The following BRINP3 variants were observed in gnomAD, a reference collection of about 807,000 sequenced individuals.
BRINP3 encodes BMP/retinoic acid inducible neural specific 3.
In BRINP3, 19 loss-of-function variants were observed where a neutral mutation model predicts 71.0. That is an observed-to-expected ratio of 0.27 (90% confidence interval 0.19 to 0.39). The LOEUF (loss-of-function observed/expected upper bound fraction) is 0.39, where lower values mean the gene tolerates loss of function less well. Among genes scored for constraint, BRINP3 ranks in the 10% least tolerant of loss-of-function variants. BRINP3 has a pLI of 1.00. For synonymous variants in BRINP3, 380 were observed against 337.7 expected (o/e 1.13, Z -1.37); for missense variants, 959 against 940.8 (o/e 1.02, Z -0.25).
chr1:190,099,618 G>A (rs141203398), intron 7 of BRINP3, among the ~76,000 whole-genome samples: 1 of 152,238 alleles, frequency 6.6e-6, no homozygotes, highest in East Asian at 1.9e-4. Flanking sequence ...AGTGTTGCAG[G>A]AAGGATGAAT....
intron 1 of BRINP3, among the ~76,000 whole-genome samples, chr1:190,466,868 T>C (rs905524191): frequency 1.3e-5 from 2 of 151,518 alleles, no homozygotes; most frequent in Non-Finnish European, 3.0e-5. Flanking sequence ...ACTCGTAATG[T>C]TAATCTGATT....
intron 6 of BRINP3, among the ~76,000 whole-genome samples, chr1:190,225,726 C>G (rs1457173940): frequency 6.6e-6 from 1 of 151,948 alleles, no homozygotes; most frequent in East Asian, 1.9e-4. Context: ...AGAACAAATG[C>G]TGTCTTCATT....
At chr1:190,172,930 C>A (rs181834358) in intron 6 of BRINP3, among the ~76,000 whole-genome samples, 1 of 152,140 alleles carries the variant, frequency 6.6e-6, no homozygotes, top group East Asian at 1.9e-4. Flanking sequence ...TGCAACCTCT[C>A]GGACCTGTCT....
At chr1:190,450,951 A>G (rs751774460) in intron 2 of BRINP3, among the ~76,000 whole-genome samples, 2 of 152,056 alleles carry the variant, frequency 1.3e-5, no homozygotes, top group Non-Finnish European at 2.9e-5. Flanking sequence ...CATTTTTTAA[A>G]TATAATTTTT....
chr1:190,209,881 C>T (rs207460842), intron 6 of BRINP3, among the ~76,000 whole-genome samples: 1 of 151,946 alleles, frequency 6.6e-6, no homozygotes, highest in Non-Finnish European at 1.5e-5. Context: ...AAGAATAGTC[C>T]ACTTGTATGC....
chr1:190,121,344 TTACAG>T (rs1653634633), intron 7 of BRINP3, among the ~76,000 whole-genome samples: 1 of 152,020 alleles, frequency 6.6e-6, no homozygotes, highest in Non-Finnish European at 1.5e-5. Flanking sequence ...CAAAAACAAA[TTACAG>T]TATGATAGAA....
At chr1:190,429,304 C>A (rs1407854144) in intron 2 of BRINP3, among the ~76,000 whole-genome samples, 1 of 152,058 alleles carries the variant, frequency 6.6e-6, no homozygotes, top group African/African-American at 2.4e-5. Flanking sequence ...AAATGTATAG[C>A]ACTAGAAAAA....
At chr1:190,335,842 G>T (rs1667251795) in intron 2 of BRINP3, among the ~76,000 whole-genome samples, 1 of 151,888 alleles carries the variant, frequency 6.6e-6, no homozygotes, top group Non-Finnish European at 1.5e-5. Context: ...AGATTTTACT[G>T]TTTAATATTG....
At chr1:190,456,948 G>A (rs1361343632) in intron 1 of BRINP3, among the ~76,000 whole-genome samples, 2 of 152,128 alleles carry the variant, frequency 1.3e-5, no homozygotes, top group African/African-American at 4.8e-5. Context: ...AAATGTAGAT[G>A]TGAACAAGAA....
intron 2 of BRINP3, among the ~76,000 whole-genome samples, chr1:190,350,089 T>C (rs560436571): frequency 5.9e-5 from 9 of 152,154 alleles, no homozygotes; most frequent in Non-Finnish European, 1.0e-4. Flanking sequence ...CCAGATAAAA[T>C]GGCAAGGAGG....
intron 1 of BRINP3, among the ~76,000 whole-genome samples, chr1:190,467,969 G>A (rs1188917936): frequency 1.3e-5 from 2 of 151,518 alleles, no homozygotes; most frequent in Middle Eastern, 3.4e-3. Flanking sequence ...TTCTTAGCAT[G>A]TCATGCACAA....
chr1:190,361,698 G>C (rs1196727122), intron 2 of BRINP3, among the ~76,000 whole-genome samples: 1 of 152,124 alleles, frequency 6.6e-6, no homozygotes, highest in Non-Finnish European at 1.5e-5. Flanking sequence ...CACCATGCCT[G>C]GCCAAGACCC....
At chr1:190,116,608 C>T (rs1411419054) in intron 7 of BRINP3, among the ~76,000 whole-genome samples, 1 of 151,962 alleles carries the variant, frequency 6.6e-6, no homozygotes, top group East Asian at 1.9e-4. Context: ...TTGGTGTAAA[C>T]ATAACAATCT....
intron 2 of BRINP3, among the ~76,000 whole-genome samples, chr1:190,401,436 T>C (rs1258658865): frequency 6.6e-6 from 1 of 150,628 alleles, no homozygotes; most frequent in Non-Finnish European, 1.5e-5. Context: ...TAGGGTTTCA[T>C]TGTGTTTTGA....
chr1:190,230,287 A>G (rs1657842608), intron 5 of BRINP3, among the ~76,000 whole-genome samples: 1 of 151,944 alleles, frequency 6.6e-6, no homozygotes, highest in Non-Finnish European at 1.5e-5. Context: ...TTGATGAGGA[A>G]CGTAAAAAAT....
At chr1:190,184,085 A>G (rs1364101330) in intron 6 of BRINP3, among the ~76,000 whole-genome samples, 6 of 152,142 alleles carry the variant, frequency 3.9e-5, no homozygotes, top group Non-Finnish European at 5.9e-5. Context: ...TAAAAAAGCA[A>G]CAACAAAGCT....
At chr1:190,129,563 T>A (rs1041025480) in intron 7 of BRINP3, among the ~76,000 whole-genome samples, 1 of 151,932 alleles carries the variant, frequency 6.6e-6, no homozygotes, top group Non-Finnish European at 1.5e-5. Context: ...AATAAGCCAA[T>A]CTGTGTTTAG....
At chr1:190,452,585 A>G (rs184164955) in intron 2 of BRINP3, among the ~76,000 whole-genome samples, 1 of 152,122 alleles carries the variant, frequency 6.6e-6, no homozygotes, top group African/African-American at 2.4e-5. Flanking sequence ...CTGGCCGCGC[A>G]CGGTGGCTCA....
intron 2 of BRINP3, among the ~76,000 whole-genome samples, 181 bp downstream of exon 2, chr1:190,454,474 A>G (rs947083621): frequency 2.0e-5 from 3 of 152,194 alleles, no homozygotes; most frequent in Non-Finnish European, 2.9e-5. Context: ...TGTTTTTATC[A>G]TAATATATTA....
Sources: allele counts gnomAD v4.1 joint callset (sites outside exome capture counted in the v4.1 genomes callset), GRCh38; gene constraint gnomAD v4.1.1; transcripts MANE v1.5; gene names NCBI Gene and HGNC (gene_info 2026-07-23, HGNC 2026-07-21).